The following TGFBR2 variants were observed in gnomAD, a reference collection of about 807,000 sequenced individuals.
The protein encoded by TGFBR2 is transforming growth factor beta receptor 2.
A neutral mutation model predicts 49.0 loss-of-function variants in TGFBR2; 18 were observed. That is an observed-to-expected ratio of 0.37 (90% confidence interval 0.25 to 0.54). TGFBR2 has a LOEUF of 0.54. Ranked by LOEUF, TGFBR2 falls within the 20% of genes least tolerant of loss-of-function variation. The pLI, the probability that TGFBR2 is intolerant of heterozygous loss-of-function variation, is 0.85. For synonymous variants in TGFBR2, 282 were observed against 275.9 expected (o/e 1.02, Z -0.22); for missense variants, 525 against 722.6 (o/e 0.73, Z 3.13).
At chr3:30,667,706 T>A (rs1009867095) in intron 3 of TGFBR2, among the ~76,000 whole-genome samples, 1 of 152,226 alleles carries the variant, frequency 6.6e-6, no homozygotes, top group Admixed American at 6.5e-5. Context: ...TTTTTATAGA[T>A]ATTTAGGAAT....
At chr3:30,658,131 A>G (rs1254031072) in intron 3 of TGFBR2, among the ~76,000 whole-genome samples, 1 of 152,224 alleles carries the variant, frequency 6.6e-6, no homozygotes, top group East Asian at 1.9e-4. Flanking sequence ...GCTGTGTTCC[A>G]GTACAACTTC....
At chr3:30,637,606 C>T (rs1303376421) in intron 1 of TGFBR2, among the ~76,000 whole-genome samples, 5 of 152,192 alleles carry the variant, frequency 3.3e-5, no homozygotes, top group African/African-American at 9.7e-5. Context: ...GACACCCAGC[C>T]CAAGTAACTC....
intron 1 of TGFBR2, among the ~76,000 whole-genome samples, chr3:30,629,141 C>T (rs546673311): frequency 6.6e-6 from 1 of 152,166 alleles, no homozygotes; most frequent in African/African-American, 2.4e-5. Context: ...TCCTATAGGA[C>T]TTTCTGCAAT....
intron 1 of TGFBR2, among the ~76,000 whole-genome samples, chr3:30,614,562 G>T (rs1474551235): frequency 6.6e-6 from 1 of 152,136 alleles, no homozygotes; most frequent in African/African-American, 2.4e-5. Context: ...ATGAAATTGG[G>T]CTTATTTCCC....
At chr3:30,607,150 T>C (rs1575126040) in intron 1 of TGFBR2, among the ~76,000 whole-genome samples, 173 bp downstream of exon 1, 2 of 151,940 alleles carry the variant, frequency 1.3e-5, no homozygotes, top group African/African-American at 4.8e-5. Context: ...GGATTGTGAG[T>C]TTTTCTTGAA....
chr3:30,671,545 A>C (rs1391217475), intron 3 of TGFBR2, 93 bp from the exon 4 acceptor site: 1 of 1,298,906 alleles, frequency 7.7e-7, no homozygotes, highest in Non-Finnish European at 1.1e-6. Context: ...TGCAGATGCT[A>C]AAATCTATAG....
In TGFBR2 at chr3:30,606,984, G is replaced by A. The variant is rs1575125943; in HGVS notation, c.94+7G>A. 2 of 1,587,330 alleles carry A rather than the reference G, an allele frequency of 1.3e-6. No individual in the cohort carries two copies. Among genetic ancestry groups the A allele is most frequent in the Non-Finnish European group, 1.7e-6 (2 of 1,166,786 alleles). ...CCGCACGTTCAGAAGTCGGGTGAGT[G>A]GTCCCCAGCCCGGGCTCGGCGGGGC... On this transcript the variant is annotated splice_region_variant and intron_variant, in intron 1 of 6. Transcript: ENST00000295754.
intron 1 of TGFBR2, among the ~76,000 whole-genome samples, chr3:30,617,557 A>G (rs1249841249): frequency 6.6e-6 from 1 of 152,216 alleles, no homozygotes; most frequent in Non-Finnish European, 1.5e-5. Context: ...TTATATTGTT[A>G]GAATACATTT....
chr3:30,663,588 C>T (rs1052221939), intron 3 of TGFBR2, among the ~76,000 whole-genome samples: 7 of 152,138 alleles, frequency 4.6e-5, no homozygotes, highest in African/African-American at 1.7e-4. Flanking sequence ...AAGACGACTA[C>T]AGATGCATAC....
rs139935602 is a variant in TGFBR2, at chr3:30,631,868, C to T, written c.95-12879C>T. ...CTTGAACTCAAAGCCCCCTCATGGT[C>T]GATTCAGAGCCTTCTCCACTGCAAC... On this transcript the variant is annotated intron_variant, in intron 1 of 6. Transcript: ENST00000295754. 4.4e-3 allele frequency among the ~76,000 whole-genome samples: 673 copies of T among 152,088 alleles called. 5 individuals carry two copies. Among genetic ancestry groups the T allele is most frequent in the South Asian group, 0.015 (73 of 4,824 alleles).
intron 5 of TGFBR2, among the ~76,000 whole-genome samples, chr3:30,683,588 T>A (rs1413065674): frequency 6.6e-6 from 1 of 152,188 alleles, no homozygotes; most frequent in Non-Finnish European, 1.5e-5. Context: ...TGGTTAGGAG[T>A]TGGGGAGAGA....
rs111380053 is a variant in TGFBR2, at chr3:30,687,352, G to A, written c.1397-1032G>A. Among the ~76,000 whole-genome samples the A allele has an allele frequency of 6.7e-3, 1,017 of 152,202 alleles. 9 individuals carry two copies. Among genetic ancestry groups the A allele is most frequent in the Non-Finnish European group, 0.01 (711 of 68,002 alleles). On this transcript the variant is annotated intron_variant, in intron 5 of 6. Transcript: ENST00000295754. ...AACCTTTTTTAAAATCAGTGATATC[G>A]TAAGGAGCCTTTTTAAACAACTTTT...
rs77267417 is a variant in TGFBR2 at position 30,656,978 on chromosome 3, C to T, written c.454+6518C>T. 9.0e-3 allele frequency among the ~76,000 whole-genome samples: 1,376 copies of T among 152,284 alleles called. 10 individuals carry two copies. The highest frequency in any genetic ancestry group is 0.016 in the Non-Finnish European group (1,063 of 68,026). On this transcript the variant is annotated intron_variant, in intron 3 of 6. Coordinates refer to ENST00000295754, the MANE Select transcript of TGFBR2 (RefSeq NM_003242.6). Reference sequence around the variant, plus strand: ...TGCTAACTACTTTCAGGTGTGTTGTCTTGTTTCATAGACTCATTACATTTT... The same window carrying T: ...TGCTAACTACTTTCAGGTGTGTTGTTTTGTTTCATAGACTCATTACATTTT...
chr3:30,647,822 G>A (rs1454164808), intron 2 of TGFBR2, among the ~76,000 whole-genome samples: 1 of 152,036 alleles, frequency 6.6e-6, no homozygotes, highest in Non-Finnish European at 1.5e-5. Flanking sequence ...GATTACAGGT[G>A]CACACCACCA....
At chr3:30,652,527 C>T (rs1187769878) in intron 3 of TGFBR2, among the ~76,000 whole-genome samples, 2 of 152,168 alleles carry the variant, frequency 1.3e-5, no homozygotes, top group African/African-American at 4.8e-5. Context: ...AACCACTGTG[C>T]TTGGCCTCAT....
intron 1 of TGFBR2, among the ~76,000 whole-genome samples, chr3:30,621,406 G>A (rs1196221380): frequency 4.1e-5 from 6 of 146,170 alleles, no homozygotes; most frequent in Non-Finnish European, 7.4e-5. Context: ...TCAGCCTCCC[G>A]AGTAGCTGGG....
At chr3:30,609,721 C>G (rs1697996149) in intron 1 of TGFBR2, among the ~76,000 whole-genome samples, 1 of 152,148 alleles carries the variant, frequency 6.6e-6, no homozygotes, top group African/African-American at 2.4e-5. Context: ...TCATAGTGAT[C>G]AGGTTCTTCA....
chr3:30,632,487 G>A (rs1256885527), intron 1 of TGFBR2, among the ~76,000 whole-genome samples: 1 of 152,200 alleles, frequency 6.6e-6, no homozygotes, highest in African/African-American at 2.4e-5. Flanking sequence ...ATATTTGAAA[G>A]CATCAGGGCA....
intron 1 of TGFBR2, among the ~76,000 whole-genome samples, chr3:30,629,791 G>A (rs566625637): frequency 6.6e-6 from 1 of 152,308 alleles, no homozygotes; most frequent in African/African-American, 2.4e-5. Context: ...CAGCAGATAA[G>A]TACAGCGCGA....
Sources: gnomAD v4.1 joint callset for allele counts (sites outside exome capture counted in the v4.1 genomes callset) on GRCh38, gnomAD v4.1.1 for gene constraint, MANE v1.5 for transcripts, NCBI Gene and HGNC (gene_info 2026-07-23, HGNC 2026-07-21) for gene names.